RNU5B-1: variants seen among roughly 807,000 people sequenced by gnomAD.
RNU5B-1 encodes RNA, U5B small nuclear 1.
At chr15:65,304,704 A>G (rs986657773) in exon 1 of RNU5B-1, 9 of 152,206 alleles carry the variant, frequency 5.9e-5, no homozygotes, top group South Asian at 2.1e-4. Flanking sequence ...CAGATCGTAT[A>G]AATCTTTCGC....
At chr15:65,304,745 A>C (rs549310079) in exon 1 of RNU5B-1, 1 of 152,208 alleles carries the variant, frequency 6.6e-6, no homozygotes, top group African/African-American at 2.4e-5. Flanking sequence ...GGAGAGGAAC[A>C]ACTCTGAGTC....
chr15:65,304,677 A>T (rs189411743), exon 1 of RNU5B-1: 1 of 152,226 alleles, frequency 6.6e-6, no homozygotes, highest in Non-Finnish European at 1.5e-5. Flanking sequence ...ATTAACAAGC[A>T]TACTCTGGTT....
At chr15:65,304,765 T>G (rs551427556) in exon 1 of RNU5B-1, 1 of 152,154 alleles carries the variant, frequency 6.6e-6, no homozygotes, top group African/African-American at 2.4e-5. Flanking sequence ...CTTAAGCTAA[T>G]TTTTTGAGGC....
At chr15:65,304,702 A>T (rs367603751) in exon 1 of RNU5B-1, 4 of 152,320 alleles carry the variant, frequency 2.6e-5, no homozygotes, top group African/African-American at 7.2e-5. Context: ...TTCAGATCGT[A>T]TAAATCTTTC....
chr15:65,304,774 G>A (rs190633152), exon 1 of RNU5B-1: 5 of 152,224 alleles, frequency 3.3e-5, no homozygotes, highest in Non-Finnish European at 4.4e-5. Context: ...ATTTTTTGAG[G>A]CCTTGTTCCG....
exon 1 of RNU5B-1, chr15:65,304,707 T>C (rs988569929): frequency 3.3e-5 from 5 of 152,218 alleles, no homozygotes; most frequent in East Asian, 1.9e-4. Context: ...ATCGTATAAA[T>C]CTTTCGCCTT....
At chr15:65,304,736 G>GA (rs1258998622) in exon 1 of RNU5B-1, 2 of 152,156 alleles carry the variant, frequency 1.3e-5, no homozygotes, top group African/African-American at 2.4e-5. Context: ...GATTTCCGTG[G>GA]AGAGGAACAA....
chr15:65,304,730 T>G (rs1354690900), exon 1 of RNU5B-1: 1 of 152,192 alleles, frequency 6.6e-6, no homozygotes, highest in African/African-American at 2.4e-5. Context: ...ACTAAAGATT[T>G]CCGTGGAGAG....
exon 1 of RNU5B-1, chr15:65,304,705 A>G (rs745840900): frequency 2.0e-5 from 3 of 152,168 alleles, no homozygotes; most frequent in African/African-American, 4.8e-5. Flanking sequence ...AGATCGTATA[A>G]ATCTTTCGCC....
At chr15:65,304,779 G>A (rs762301845) in exon 1 of RNU5B-1, 12 of 151,978 alleles carry the variant, frequency 7.9e-5, no homozygotes, top group Middle Eastern at 3.2e-3. Context: ...TTGAGGCCTT[G>A]TTCCGACAAG....
At chr15:65,304,744 C>T (rs957021682) in exon 1 of RNU5B-1, 18 of 152,144 alleles carry the variant, frequency 1.2e-4, no homozygotes, top group African/African-American at 1.9e-4. Context: ...TGGAGAGGAA[C>T]AACTCTGAGT....
chr15:65,304,742 A>AACAACTCTGAG (rs1235265793), exon 1 of RNU5B-1: 1 of 152,168 alleles, frequency 6.6e-6, no homozygotes, highest in African/African-American at 2.4e-5. Context: ...CGTGGAGAGG[A>AACAACTCTGAG]ACAACTCTGA....
At chr15:65,304,766 T>C (rs905341473) in exon 1 of RNU5B-1, 2 of 152,190 alleles carry the variant, frequency 1.3e-5, no homozygotes, top group African/African-American at 2.4e-5. Flanking sequence ...TTAAGCTAAT[T>C]TTTTGAGGCC....
chr15:65,304,725 A>C (rs1372040010), exon 1 of RNU5B-1: 1 of 152,196 alleles, frequency 6.6e-6, no homozygotes, highest in Non-Finnish European at 1.5e-5. Flanking sequence ...CTTTTACTAA[A>C]GATTTCCGTG....
exon 1 of RNU5B-1, chr15:65,304,724 A>C (rs1258934490): frequency 6.6e-6 from 1 of 152,134 alleles, no homozygotes; most frequent in African/African-American, 2.4e-5. Flanking sequence ...CCTTTTACTA[A>C]AGATTTCCGT....
At chr15:65,304,702 A>C (rs367603751) in exon 1 of RNU5B-1, 1 of 152,202 alleles carries the variant, frequency 6.6e-6, no homozygotes, top group Non-Finnish European at 1.5e-5. Context: ...TTCAGATCGT[A>C]TAAATCTTTC....
At chr15:65,304,764 A>C (rs1045755017) in exon 1 of RNU5B-1, 1 of 152,178 alleles carries the variant, frequency 6.6e-6, no homozygotes, top group Non-Finnish European at 1.5e-5. Flanking sequence ...TCTTAAGCTA[A>C]TTTTTTGAGG....
At chr15:65,304,778 T>G (rs954559979) in exon 1 of RNU5B-1, 2 of 152,096 alleles carry the variant, frequency 1.3e-5, no homozygotes, top group African/African-American at 4.8e-5. Context: ...TTTGAGGCCT[T>G]GTTCCGACAA....
At position 65,304,677 on chromosome 15, in the gene RNU5B-1, A is replaced by G. The variant is rs189411743; in HGVS notation, n.1A>G. The stretch of plus-strand genomic sequence containing the variant: ...GAAACGAGTTATGAAATTAACAAGC[A>G]TACTCTGGTTTCTCTTCAGATCGTA... On this transcript the variant is annotated non_coding_transcript_exon_variant, in exon 1 of 1. Coordinates refer to ENST00000363286, the Ensembl canonical transcript of RNU5B-1. The G allele has an allele frequency of 1.4e-4, 22 of 152,344 alleles. No homozygotes were observed. In the South Asian group the frequency reaches 1.9e-3, roughly 13 times the overall value. 9.4% of individuals were successfully genotyped at this position (152,344 alleles called of 1,614,324 possible). A position where few individuals can be genotyped will look rare whatever the true frequency, so the allele number is the denominator to read the frequency against.
Sources: gnomAD v4.1 joint callset for allele counts on GRCh38, gnomAD v4.1.1 for gene constraint, MANE v1.5 for transcripts, NCBI Gene and HGNC (gene_info 2026-07-23, HGNC 2026-07-21) for gene names.